CPA6: variants seen among roughly 807,000 people sequenced by gnomAD.
The protein encoded by CPA6 is carboxypeptidase B.
CPA6 carries 58 observed loss-of-function variants against 63.3 expected under a neutral mutation model. The ratio of observed to expected loss-of-function variants is 0.92; its 90% CI spans 0.74 to 1.14. The LOEUF (loss-of-function observed/expected upper bound fraction) is 1.14, where lower values mean the gene tolerates loss of function less well. Ranked by LOEUF, CPA6 falls within the 50% of genes most tolerant of loss-of-function variation. The probability of loss-of-function intolerance (pLI) is 0.00; values close to 1 mark genes in which losing one functional copy is unlikely to be tolerated. For synonymous variants in CPA6, 185 were observed against 179.0 expected (o/e 1.03, Z -0.27); for missense variants, 565 against 526.6 (o/e 1.07, Z -0.71).
At chr8:67,744,907 T>C (rs372545525) in intron 1 of CPA6, among the ~76,000 whole-genome samples, 9 of 152,162 alleles carry the variant, frequency 5.9e-5, no homozygotes, top group African/African-American at 1.9e-4. Flanking sequence ...CCCCTAAAAC[T>C]GAGGACATGT....
chr8:67,639,121 T>C (rs1202443380), intron 1 of CPA6, among the ~76,000 whole-genome samples: 1 of 151,518 alleles, frequency 6.6e-6, no homozygotes, highest in Non-Finnish European at 1.5e-5. Flanking sequence ...GCTGTTGAAA[T>C]TGTCAGATAG....
intron 8 of CPA6, among the ~76,000 whole-genome samples, chr8:67,466,535 G>A (rs906404414): frequency 3.3e-5 from 5 of 152,018 alleles, no homozygotes; most frequent in Admixed American, 2.0e-4. Flanking sequence ...TTTTCTAGTT[G>A]CTGTAGGTGT....
chr8:67,528,644 C>G (rs1057216704), intron 2 of CPA6, among the ~76,000 whole-genome samples: 4 of 152,040 alleles, frequency 2.6e-5, no homozygotes, highest in Non-Finnish European at 4.4e-5. Flanking sequence ...TTAAGCTTCT[C>G]TCCTTCCTCC....
chr8:67,568,888 T>A (rs1478174608), intron 2 of CPA6, among the ~76,000 whole-genome samples: 1 of 152,100 alleles, frequency 6.6e-6, no homozygotes, highest in Non-Finnish European at 1.5e-5. Context: ...GTGGCTGGGA[T>A]TACAGGCACC....
chr8:67,634,250 C>T (rs1277651658), intron 1 of CPA6, among the ~76,000 whole-genome samples: 1 of 146,686 alleles, frequency 6.8e-6, no homozygotes, highest in Non-Finnish European at 1.5e-5. Flanking sequence ...GACGGAGTCT[C>T]GCTCTGTCGC....
chr8:67,731,348 A>G (rs1817701901), intron 1 of CPA6, among the ~76,000 whole-genome samples: 1 of 152,246 alleles, frequency 6.6e-6, no homozygotes, highest in Non-Finnish European at 1.5e-5. Context: ...TCACCCTTGG[A>G]GAGTCCCTTA....
intron 2 of CPA6, among the ~76,000 whole-genome samples, chr8:67,557,642 G>A (rs1056592624): frequency 5.9e-5 from 9 of 152,142 alleles, no homozygotes; most frequent in Non-Finnish European, 1.3e-4. Context: ...TCTGCTCAGA[G>A]CTCCTGGGGC....
chr8:67,617,097 C>G (rs556616512), intron 2 of CPA6, among the ~76,000 whole-genome samples: 21 of 152,108 alleles, frequency 1.4e-4, no homozygotes. Flanking sequence ...AAAAGAAACA[C>G]GATCAGCTTA....
chr8:67,742,128 T>TTGTGTG (rs10684467), intron 1 of CPA6, among the ~76,000 whole-genome samples: 76 of 150,680 alleles, frequency 5.0e-4, no homozygotes, highest in African/African-American at 1.5e-3. Flanking sequence ...TGTTCTACTT[T>TTGTGTG]TGTGTGTGTG....
At chr8:67,442,508 T>C (rs909374054) in intron 8 of CPA6, among the ~76,000 whole-genome samples, 10 of 152,212 alleles carry the variant, frequency 6.6e-5, no homozygotes, top group African/African-American at 2.2e-4. Context: ...GGGATAGATA[T>C]GAGTTAGAAG....
At chr8:67,689,570 C>G (rs768410431) in intron 1 of CPA6, among the ~76,000 whole-genome samples, 11 of 152,206 alleles carry the variant, frequency 7.2e-5, no homozygotes, top group African/African-American at 9.6e-5. Context: ...ATAATCACCT[C>G]CAGCTGCATC....
chr8:67,443,383 C>T (rs1810338815), intron 8 of CPA6, among the ~76,000 whole-genome samples: 2 of 152,096 alleles, frequency 1.3e-5, no homozygotes, highest in Admixed American at 1.3e-4. Context: ...TTCTTGCTTC[C>T]TCTTCTTTAT....
chr8:67,589,876 T>TTTA (rs754237347), intron 2 of CPA6, among the ~76,000 whole-genome samples: 2,629 of 150,816 alleles, frequency 0.017, 30 homozygotes, highest in Middle Eastern at 0.038. Flanking sequence ...TAGTGTTGTT[T>TTTA]TTATTATTAT....
At chr8:67,588,324 T>C (rs1289510678) in intron 2 of CPA6, among the ~76,000 whole-genome samples, 3 of 152,166 alleles carry the variant, frequency 2.0e-5, no homozygotes, top group African/African-American at 7.2e-5. Flanking sequence ...AATAGTATGG[T>C]GGGAAATAAA....
intron 2 of CPA6, among the ~76,000 whole-genome samples, chr8:67,608,380 C>A (rs1479980164): frequency 1.3e-5 from 2 of 152,192 alleles, no homozygotes; most frequent in Non-Finnish European, 2.9e-5. Context: ...AACATCTGAA[C>A]ATCGAGAGGA....
At chr8:67,728,266 G>A (rs1252316393) in intron 1 of CPA6, among the ~76,000 whole-genome samples, 1 of 152,102 alleles carries the variant, frequency 6.6e-6, no homozygotes, top group Non-Finnish European at 1.5e-5. Flanking sequence ...ATGAAGAAGA[G>A]TATATGAACT....
At chr8:67,703,329 T>C (rs1454756072) in intron 1 of CPA6, among the ~76,000 whole-genome samples, 1 of 152,198 alleles carries the variant, frequency 6.6e-6, no homozygotes, top group African/African-American at 2.4e-5. Flanking sequence ...CCACACTGCA[T>C]AGATCTGAGG....
At chr8:67,663,341 T>G (rs1161590526) in intron 1 of CPA6, among the ~76,000 whole-genome samples, 1 of 152,200 alleles carries the variant, frequency 6.6e-6, no homozygotes, top group Non-Finnish European at 1.5e-5. Flanking sequence ...TTTGATCTGC[T>G]TGAGGTAGCA....
At chr8:67,475,766 T>C (rs1811162133) in intron 8 of CPA6, among the ~76,000 whole-genome samples, 1 of 96,316 alleles carries the variant, frequency 1.0e-5, no homozygotes, top group African/African-American at 4.2e-5. Context: ...TTTCTTTCTT[T>C]CTCTTTCTTT....
Sources: gnomAD v4.1 joint callset for allele counts (sites outside exome capture counted in the v4.1 genomes callset) on GRCh38, gnomAD v4.1.1 for gene constraint, MANE v1.5 for transcripts, NCBI Gene and HGNC (gene_info 2026-07-23, HGNC 2026-07-21) for gene names.